The following ZNF282 variants were observed in gnomAD, a reference collection of about 807,000 sequenced individuals.
ZNF282 encodes the protein HTLV-I U5 repressive element-binding protein 1.
In ZNF282, 30 loss-of-function variants were observed where a neutral mutation model predicts 61.9. The observed-to-expected ratio is 0.48, with a 90% CI of 0.36 to 0.66. The LOEUF (loss-of-function observed/expected upper bound fraction) is 0.66. Among genes scored for constraint, ZNF282 ranks in the 30% least tolerant of loss-of-function variants. ZNF282 has a pLI of 0.00. For missense variants in ZNF282, 788 were observed against 941.4 expected (o/e 0.84, Z 2.13); for synonymous variants, 396 against 405.0 (o/e 0.98, Z 0.27).
At chr7:149,206,376 C>G (rs2129523263) in intron 2 of ZNF282, among the ~76,000 whole-genome samples, 1 of 152,318 alleles carries the variant, frequency 6.6e-6, no homozygotes, top group Admixed American at 6.5e-5. Flanking sequence ...CCCATTACCC[C>G]TCTGTCACCC....
intron 2 of ZNF282, among the ~76,000 whole-genome samples, chr7:149,204,104 A>G (rs914715983): frequency 1.3e-5 from 2 of 152,102 alleles, no homozygotes; most frequent in Non-Finnish European, 2.9e-5. Flanking sequence ...TGATTCCGGC[A>G]TGGCTCACTC....
chr7:149,201,586 T>C (rs576468125), intron 2 of ZNF282, among the ~76,000 whole-genome samples: 131 of 152,150 alleles, frequency 8.6e-4, no homozygotes, highest in South Asian at 3.1e-3. Context: ...ACCCCATCTC[T>C]ACTAAAAATA....
chr7:149,219,566 G>T (rs529914849), intron 7 of ZNF282, among the ~76,000 whole-genome samples: 5 of 152,282 alleles, frequency 3.3e-5, no homozygotes, highest in East Asian at 1.9e-4. Flanking sequence ...TTCAATGGAG[G>T]TTGGGTGTGG....
intron 2 of ZNF282, among the ~76,000 whole-genome samples, chr7:149,201,127 G>T (rs13229244): frequency 0.52 from 79,102 of 152,088 alleles, 24,089 homozygotes; most frequent in East Asian, 0.93. Context: ...CATCTCCGTT[G>T]ATGACGGATG....
chr7:149,212,442 A>G lies in ZNF282; in HGVS notation c.1037A>G (p.Asp346Gly), dbSNP rs1479198968. 11 of 1,613,098 alleles carry G rather than the reference A, an allele frequency of 6.8e-6. No homozygotes were observed. The South Asian group carries it at 1.2e-4, about 18-fold the overall frequency. ...QCVWDQQDLA[D>G]RDIPTDPNSE... ...GTGTGGGATCAGCAGGATTTGGCAGACAGAGATATTCCCACGGATCCCAAT... is the reference window on the plus strand; with the variant it reads ...GTGTGGGATCAGCAGGATTTGGCAGGCAGAGATATTCCCACGGATCCCAAT... Residue 346 changes from aspartate (D) to glycine (G), a missense_variant, in exon 6 of 8, where the codon GAC becomes GGC. Coordinates refer to ENST00000610704, the MANE Select transcript of ZNF282 (RefSeq NM_003575.4).
intron 2 of ZNF282, among the ~76,000 whole-genome samples, chr7:149,202,150 CTTTTT>C (rs35380773): frequency 7.9e-6 from 1 of 126,562 alleles, no homozygotes. Flanking sequence ...AGATATGCTT[CTTTTT>C]TTTTTTTTTT....
At position 149,195,569 on chromosome 7, in the gene ZNF282, G is replaced by A. The variant is rs769793657; in HGVS notation, c.-21G>A. Reference sequence around the variant, plus strand: ...TTCTTCTTCTCCCTGGCCGACCCGAGCGGGGAACAGCACTCCCAGGATGCA... The same window carrying A: ...TTCTTCTTCTCCCTGGCCGACCCGAACGGGGAACAGCACTCCCAGGATGCA... On this transcript the variant is annotated 5_prime_UTR_variant, in exon 1 of 8. Transcript: ENST00000610704. 10 of 1,607,226 alleles carry A rather than the reference G, an allele frequency of 6.2e-6. No homozygotes were observed. Among genetic ancestry groups the A allele is most frequent in the Non-Finnish European group, 8.5e-6 (10 of 1,177,426 alleles).
At chr7:149,208,413 G>T (rs1418161237) in intron 4 of ZNF282, among the ~76,000 whole-genome samples, 2 of 151,974 alleles carry the variant, frequency 1.3e-5, no homozygotes, top group Non-Finnish European at 2.9e-5. Flanking sequence ...ATGTTGGCCA[G>T]GCTGGTCTTG....
chr7:149,206,111 A>G (rs1226350050), intron 2 of ZNF282, among the ~76,000 whole-genome samples: 1 of 152,218 alleles, frequency 6.6e-6, no homozygotes, highest in Non-Finnish European at 1.5e-5. Context: ...CTCGGGCCGC[A>G]GTGGAGCTTC....
At chr7:149,223,531 CT>C (rs763691245) in intron 7 of ZNF282, among the ~76,000 whole-genome samples, 42 of 152,342 alleles carry the variant, frequency 2.8e-4, no homozygotes, top group Middle Eastern at 6.8e-3. Flanking sequence ...TCCAAAATGA[CT>C]TCTGGACAGC....
rs552454261 is a variant in ZNF282 at position 149,224,735 on chromosome 7, T to G, written c.*88T>G. The G allele has an allele frequency of 7.0e-6, 10 of 1,438,062 alleles. No individual in the cohort carries two copies. Among genetic ancestry groups the G allele is most frequent in the Non-Finnish European group, 9.1e-6 (10 of 1,101,420 alleles). The allele number at this position is 1,438,062 out of a possible 1,614,324, so 89.1% of individuals were successfully genotyped here. A position where few individuals can be genotyped will look rare whatever the true frequency, so the allele number is the denominator to read the frequency against. ...CCTTGCCGGGTGTCCTCAGCCACCGTCTGGAAATCGGCAACAGGCATTGCA... is the reference window on the plus strand; with the variant it reads ...CCTTGCCGGGTGTCCTCAGCCACCGGCTGGAAATCGGCAACAGGCATTGCA... On this transcript the variant is annotated 3_prime_UTR_variant, in exon 8 of 8. Transcript: ENST00000610704.
At chr7:149,214,353 C>T (rs1202426) in intron 7 of ZNF282, among the ~76,000 whole-genome samples, 19,694 of 152,090 alleles carry the variant, frequency 0.13, 1,393 homozygotes, top group Middle Eastern at 0.19. Flanking sequence ...GCAATGACCC[C>T]GTTTCCAAAT....
chr7:149,204,161 A>G (rs1442779588), intron 2 of ZNF282, among the ~76,000 whole-genome samples: 3 of 152,148 alleles, frequency 2.0e-5, no homozygotes, highest in Non-Finnish European at 4.4e-5. Context: ...AGGAAGAGGA[A>G]AAAGTAAAAA....
At chr7:149,218,086 A>G (rs1197129789) in intron 7 of ZNF282, among the ~76,000 whole-genome samples, 1 of 151,012 alleles carries the variant, frequency 6.6e-6, no homozygotes. Flanking sequence ...CTGGGTAACA[A>G]AGCGAGACCC....
chr7:149,224,440 A>T lies in ZNF282; in HGVS notation c.1809A>T (p.Gln603His), dbSNP rs370586943. The change falls in exon 8 of 8, where the codon CAA becomes CAT. Residue 603 changes from glutamine to histidine, a missense_variant. Transcript: ENST00000610704. ...TGCACACGGGCGAGCGGCCTTTCCAATGTGCACTGTGCGGCAAGAGCTTCA... is the reference window on the plus strand; with the variant it reads ...TGCACACGGGCGAGCGGCCTTTCCATTGTGCACTGTGCGGCAAGAGCTTCA... ...QRLHTGERPF[Q>H]CALCGKSFIR... The T allele has an allele frequency of 6.2e-7, 1 of 1,612,540 alleles. No individual in the cohort carries two copies. The highest frequency in any genetic ancestry group is 8.5e-7 in the Non-Finnish European group (1 of 1,179,584).
chr7:149,220,305 G>A (rs888528106), intron 7 of ZNF282, among the ~76,000 whole-genome samples: 1 of 152,026 alleles, frequency 6.6e-6, no homozygotes, highest in Non-Finnish European at 1.5e-5. Context: ...CCAGCTACTC[G>A]GGAGGCTGAG....
intron 2 of ZNF282, among the ~76,000 whole-genome samples, chr7:149,201,805 A>C (rs972454150): frequency 3.9e-5 from 6 of 152,100 alleles, no homozygotes; most frequent in African/African-American, 1.4e-4. Context: ...TTAGAATAAA[A>C]GCCCATGTCT....
Position 149,206,758 on chromosome 7 carries a change from C to T in ZNF282, c.648C>T (p.Asp216=), listed in dbSNP as rs1032945740. The stretch of plus-strand genomic sequence containing the variant: ...CCGAAGACGAGTGGAAGAACTTGGA[C>T]GAATGGCAGAAGGAGCTTTATAACA... ...YFSEDEWKNL[D]EWQKELYNNL... is the part of the protein sequence containing the mutation. The change falls in exon 3 of 8, where the codon GAC becomes GAT. Residue 216 remains aspartate, a synonymous_variant. Coordinates refer to ENST00000610704, the MANE Select transcript of ZNF282 (RefSeq NM_003575.4). 19 of 1,614,002 alleles carry T rather than the reference C, an allele frequency of 1.2e-5. No individual in the cohort carries two copies. Among genetic ancestry groups the T allele is most frequent in the East Asian group, 2.2e-5 (1 of 44,892 alleles).
In ZNF282 at chr7:149,224,745, G is replaced by A; in HGVS notation, c.*98G>A. ...TGTCCTCAGCCACCGTCTGGAAATC[G>A]GCAACAGGCATTGCACTCCGGTTGG... On this transcript the variant is annotated 3_prime_UTR_variant, in exon 8 of 8. Coordinates refer to ENST00000610704, the MANE Select transcript of ZNF282 (RefSeq NM_003575.4). 8 of 1,436,592 alleles carry A rather than the reference G, an allele frequency of 5.6e-6. No homozygotes were observed. Among genetic ancestry groups the A allele is most frequent in the Non-Finnish European group, 7.3e-6 (8 of 1,100,192 alleles). 89.0% of individuals were successfully genotyped at this position (1,436,592 alleles called of 1,614,324 possible). A position where few individuals can be genotyped will look rare whatever the true frequency, so the allele number is the denominator to read the frequency against.
Sources: allele counts gnomAD v4.1 joint callset (sites outside exome capture counted in the v4.1 genomes callset), GRCh38; gene constraint gnomAD v4.1.1; transcripts MANE v1.5; gene names NCBI Gene and HGNC (gene_info 2026-07-23, HGNC 2026-07-21).